NEGR1: variants seen among roughly 807,000 people sequenced by gnomAD.
NEGR1 encodes neuronal growth regulator 1, also known as IgLON family member 4.
Under a neutral mutation model 40.9 loss-of-function variants are expected in NEGR1, and 10 were observed. The ratio of observed to expected loss-of-function variants is 0.24; its 90% CI spans 0.15 to 0.42. The LOEUF (loss-of-function observed/expected upper bound fraction) is 0.42. Ranked by LOEUF, NEGR1 falls within the 10% of genes least tolerant of loss-of-function variation. NEGR1 has a pLI of 1.00. For missense variants in NEGR1, 352 were observed against 438.9 expected (o/e 0.80, Z 1.77); for synonymous variants, 185 against 166.8 (o/e 1.11, Z -0.84).
chr1:71,443,336 G>A (rs1646560492), intron 6 of NEGR1, among the ~76,000 whole-genome samples: 1 of 152,094 alleles, frequency 6.6e-6, no homozygotes. Flanking sequence ...CCTCATAACT[G>A]TCGTAGCCAT....
intron 1 of NEGR1, among the ~76,000 whole-genome samples, chr1:72,013,821 C>T (rs1272479178): frequency 2.1e-5 from 3 of 141,734 alleles, no homozygotes; most frequent in Non-Finnish European, 1.6e-5. Context: ...ACATTTAGTA[C>T]TTAATTAAAA....
chr1:71,810,392 T>C (rs1343827878), intron 2 of NEGR1, among the ~76,000 whole-genome samples: 2 of 152,088 alleles, frequency 1.3e-5, no homozygotes, highest in Non-Finnish European at 2.9e-5. Flanking sequence ...CCACTAACCT[T>C]ATAGTAAATC....
At chr1:72,191,653 A>G (rs1265448824) in intron 1 of NEGR1, among the ~76,000 whole-genome samples, 2 of 151,854 alleles carry the variant, frequency 1.3e-5, no homozygotes, top group African/African-American at 4.8e-5. Flanking sequence ...TACCCTTACC[A>G]AATTCATACA....
At chr1:72,037,802 T>C (rs1004765337) in intron 1 of NEGR1, among the ~76,000 whole-genome samples, 5 of 152,164 alleles carry the variant, frequency 3.3e-5, no homozygotes, top group Non-Finnish European at 4.4e-5. Flanking sequence ...AAAAATGTAA[T>C]GCAACTCTAA....
intron 1 of NEGR1, among the ~76,000 whole-genome samples, chr1:72,079,341 C>T (rs72680882): frequency 0.014 from 2,106 of 151,814 alleles, 28 homozygotes; most frequent in Non-Finnish European, 0.022. Flanking sequence ...AAAATCTCAC[C>T]TAATTAGTAT....
intron 1 of NEGR1, among the ~76,000 whole-genome samples, chr1:72,217,301 T>TA (rs144745255): frequency 0.044 from 6,722 of 151,862 alleles, 531 homozygotes; most frequent in African/African-American, 0.15. Context: ...CAAGGCATAA[T>TA]AAAAAAATTT....
chr1:71,681,841 T>C (rs1002444661), intron 4 of NEGR1, among the ~76,000 whole-genome samples: 1 of 152,214 alleles, frequency 6.6e-6, no homozygotes, highest in Non-Finnish European at 1.5e-5. Context: ...CATTTAATTT[T>C]TTTTAGGCAG....
At chr1:71,477,528 T>G (rs1466213558) in intron 6 of NEGR1, 1 of 152,314 alleles carries the variant, frequency 6.6e-6, no homozygotes, top group Non-Finnish European at 1.5e-5. Context: ...TGTTTATGCC[T>G]GCAGCATGGC....
At chr1:71,744,303 A>ATATATATATATAT (rs71070900) in intron 3 of NEGR1, among the ~76,000 whole-genome samples, 9 of 147,772 alleles carry the variant, frequency 6.1e-5, no homozygotes, top group South Asian at 4.2e-4. Flanking sequence ...ATATATATAT[A>ATATATATATATAT]AAGTGCTTGG....
intron 1 of NEGR1, among the ~76,000 whole-genome samples, chr1:71,978,075 G>C (rs1228319575): frequency 1.3e-5 from 2 of 150,938 alleles, no homozygotes; most frequent in African/African-American, 4.9e-5. Flanking sequence ...GTGTGTTTAA[G>C]AGAGAATAAG....
intron 3 of NEGR1, among the ~76,000 whole-genome samples, chr1:71,725,629 A>G (rs569345683): frequency 1.9e-4 from 29 of 152,238 alleles, no homozygotes; most frequent in African/African-American, 6.5e-4. Context: ...TAGTCTTCTC[A>G]GTATTTTGAT....
intron 6 of NEGR1, among the ~76,000 whole-genome samples, chr1:71,416,381 G>T (rs1394179566): frequency 6.6e-6 from 1 of 152,060 alleles, no homozygotes; most frequent in Non-Finnish European, 1.5e-5. Context: ...CTGCAACATC[G>T]TTCTTTTGGC....
At chr1:72,020,225 T>A (rs1646744924) in intron 1 of NEGR1, among the ~76,000 whole-genome samples, 1 of 152,118 alleles carries the variant, frequency 6.6e-6, no homozygotes, top group South Asian at 2.1e-4. Flanking sequence ...CAGAGGCCAA[T>A]ATTACAAGAA....
intron 6 of NEGR1, among the ~76,000 whole-genome samples, chr1:71,526,130 A>G (rs1569986774): frequency 6.6e-6 from 1 of 151,586 alleles, no homozygotes; most frequent in South Asian, 2.1e-4. Context: ...CTATACTTTT[A>G]TCTGGAAATT....
At chr1:71,969,716 G>A (rs1314370344) in intron 1 of NEGR1, among the ~76,000 whole-genome samples, 1 of 152,174 alleles carries the variant, frequency 6.6e-6, no homozygotes, top group Admixed American at 6.5e-5. Flanking sequence ...TGAAACTATG[G>A]ACATATTATT....
chr1:72,182,930 G>T (rs992321233), intron 1 of NEGR1, among the ~76,000 whole-genome samples: 1 of 151,866 alleles, frequency 6.6e-6, no homozygotes, highest in African/African-American at 2.4e-5. Context: ...AAACAAAAAA[G>T]TTTCACATAA....
chr1:72,111,785 C>T (rs1649380980), intron 1 of NEGR1, among the ~76,000 whole-genome samples: 1 of 151,778 alleles, frequency 6.6e-6, no homozygotes, highest in Non-Finnish European at 1.5e-5. Flanking sequence ...TGCAACTGAG[C>T]TTCTGGGTGT....
intron 6 of NEGR1, among the ~76,000 whole-genome samples, chr1:71,568,776 AATT>A (rs1048969157): frequency 1.3e-5 from 2 of 151,700 alleles, no homozygotes; most frequent in African/African-American, 2.4e-5. Context: ...TATAAAATAA[AATT>A]ATAAGAATTA....
intron 1 of NEGR1, among the ~76,000 whole-genome samples, chr1:72,176,969 G>C (rs1223378890): frequency 6.6e-6 from 1 of 151,990 alleles, no homozygotes; most frequent in Non-Finnish European, 1.5e-5. Context: ...GATCGAGCGC[G>C]TTCAGGGTTG....
Sources: gnomAD v4.1 joint callset for allele counts (sites outside exome capture counted in the v4.1 genomes callset) on GRCh38, gnomAD v4.1.1 for gene constraint, MANE v1.5 for transcripts, NCBI Gene and HGNC (gene_info 2026-07-23, HGNC 2026-07-21) for gene names.